ST6GALNAC3: variants seen among roughly 807,000 people sequenced by gnomAD.
The protein encoded by ST6GALNAC3 is alpha-N-acetylgalactosaminide alpha-2,6-sialyltransferase 3.
Under a neutral mutation model 32.7 loss-of-function variants are expected in ST6GALNAC3, and 25 were observed. That is an observed-to-expected ratio of 0.76 (90% CI 0.56 to 1.07). ST6GALNAC3 has a LOEUF of 1.07. Ranked by LOEUF, ST6GALNAC3 falls within the 50% of genes least tolerant of loss-of-function variation. ST6GALNAC3 has a pLI of 0.00. For missense variants in ST6GALNAC3, 355 were observed against 382.4 expected, an observed-to-expected ratio of 0.93 and a Z score of 0.60; for synonymous variants, 129 against 133.1, an observed-to-expected ratio of 0.97 and a Z score of 0.21.
At chr1:76,161,930 C>T (rs1651835938) in intron 1 of ST6GALNAC3, among the ~76,000 whole-genome samples, 1 of 152,132 alleles carries the variant, frequency 6.6e-6, no homozygotes, top group African/African-American at 2.4e-5. Context: ...GGTCAAAAAC[C>T]CTTAACTGAA....
At chr1:76,163,498 T>A (rs1032698929) in intron 1 of ST6GALNAC3, among the ~76,000 whole-genome samples, 14 of 152,340 alleles carry the variant, frequency 9.2e-5, no homozygotes, top group Middle Eastern at 3.4e-3. Flanking sequence ...TCATTCTTTT[T>A]AAGCCTCAGT....
At chr1:76,366,912 C>G (rs1650417838) in intron 2 of ST6GALNAC3, among the ~76,000 whole-genome samples, 1 of 152,100 alleles carries the variant, frequency 6.6e-6, no homozygotes, top group African/African-American at 2.4e-5. Flanking sequence ...ACTAAGAAGT[C>G]TTTGTTGTAA....
chr1:76,475,989 G>A (rs138623400), intron 3 of ST6GALNAC3, among the ~76,000 whole-genome samples: 3,516 of 152,214 alleles, frequency 0.023, 63 homozygotes, highest in Non-Finnish European at 0.039. Flanking sequence ...TGAGAATGAC[G>A]ATTTCCAGCT....
At chr1:76,538,780 G>C (rs997337667) in intron 3 of ST6GALNAC3, among the ~76,000 whole-genome samples, 1 of 152,070 alleles carries the variant, frequency 6.6e-6, no homozygotes, top group Non-Finnish European at 1.5e-5. Flanking sequence ...ACTACAAAGA[G>C]AGTACAATAC....
chr1:76,475,285 G>C (rs1659280011), intron 3 of ST6GALNAC3, among the ~76,000 whole-genome samples: 1 of 152,148 alleles, frequency 6.6e-6, no homozygotes, highest in South Asian at 2.1e-4. Flanking sequence ...TTAGGTCCTT[G>C]TCCCATCACT....
rs1025716567 is a variant in ST6GALNAC3, at chr1:76,252,557, T to C, written c.19-61248T>C. 4.6e-5 allele frequency among the ~76,000 whole-genome samples: 7 copies of C among 152,138 alleles called. 1 individual carries two copies. Among genetic ancestry groups the C allele is most frequent in the Non-Finnish European group, 8.8e-5 (6 of 68,016 alleles). On this transcript the variant is annotated intron_variant, in intron 1 of 4. Coordinates refer to ENST00000328299, the MANE Select transcript of ST6GALNAC3 (RefSeq NM_152996.4). ...CCCTTGAGGATGGCCCCCCCTTTTT[T>C]TTTTAAATTTCTTGGGCTGGGGACC...
intron 3 of ST6GALNAC3, among the ~76,000 whole-genome samples, chr1:76,576,311 C>T (rs1464623045): frequency 6.6e-6 from 1 of 152,006 alleles, no homozygotes; most frequent in African/African-American, 2.4e-5. Flanking sequence ...TTTAATGGCA[C>T]CCGTAGACAC....
intron 3 of ST6GALNAC3, among the ~76,000 whole-genome samples, chr1:76,513,035 C>T (rs1661966608): frequency 6.6e-6 from 1 of 151,790 alleles, no homozygotes; most frequent in South Asian, 2.1e-4. Flanking sequence ...GATATTAACT[C>T]CTTGTCGAAT....
chr1:76,464,178 CT>C (rs1170804597), intron 3 of ST6GALNAC3, among the ~76,000 whole-genome samples: 2 of 152,068 alleles, frequency 1.3e-5, no homozygotes, highest in African/African-American at 4.8e-5. Context: ...GAACTTTTTC[CT>C]TTAGGTCCTT....
chr1:76,158,667 T>G lies in ST6GALNAC3; in HGVS notation c.18+83783T>G, dbSNP rs375555941. Among the ~76,000 whole-genome samples, 7 of 152,364 alleles carry G rather than the reference T, an allele frequency of 4.6e-5. No homozygotes were observed. In the East Asian group the frequency reaches 9.6e-4, roughly 21 times the overall value. ...AATTACTACAGGAGATCATAGTAGC[T>G]ACCTCACTGGTCATAAGGGTTAAAT... On this transcript the variant is annotated intron_variant, in intron 1 of 4. Coordinates refer to ENST00000328299, the MANE Select transcript of ST6GALNAC3 (RefSeq NM_152996.4).
At chr1:76,611,951 C>T (rs975039850) in intron 3 of ST6GALNAC3, among the ~76,000 whole-genome samples, 1 of 152,120 alleles carries the variant, frequency 6.6e-6, no homozygotes, top group Non-Finnish European at 1.5e-5. Context: ...TGTGTCTAAC[C>T]CAGCTGTACT....
chr1:76,580,615 C>G (rs1646878826), intron 3 of ST6GALNAC3, among the ~76,000 whole-genome samples: 1 of 152,146 alleles, frequency 6.6e-6, no homozygotes, highest in Admixed American at 6.6e-5. Flanking sequence ...TAGCAAATTG[C>G]TGTACTCTTT....
chr1:76,341,682 C>CTTTCTTTCCTTCCTTCT (rs1411767732), intron 2 of ST6GALNAC3, among the ~76,000 whole-genome samples: 3 of 36,050 alleles, frequency 8.3e-5, no homozygotes, highest in Non-Finnish European at 1.2e-4. Flanking sequence ...TCTTTCTTTC[C>CTTTCTTTCCTTCCTTCT]TTCTTTCTTT....
downstream of ST6GALNAC3, among the ~76,000 whole-genome samples, chr1:76,635,128 A>G (rs1313645742): frequency 6.6e-6 from 1 of 152,150 alleles, no homozygotes; most frequent in Non-Finnish European, 1.5e-5. Flanking sequence ...ACATATTAAC[A>G]AAGTTGGGTT....
intron 3 of ST6GALNAC3, among the ~76,000 whole-genome samples, chr1:76,574,203 A>T (rs551640858): frequency 6.6e-6 from 1 of 152,108 alleles, no homozygotes; most frequent in East Asian, 1.9e-4. Context: ...GTTTTGAGTG[A>T]TGATGTGTTA....
chr1:76,384,733 T>A (rs1245884696), intron 2 of ST6GALNAC3, among the ~76,000 whole-genome samples: 1 of 152,022 alleles, frequency 6.6e-6, no homozygotes, highest in Non-Finnish European at 1.5e-5. Flanking sequence ...AACAAAAAGA[T>A]AATGAGAACA....
intron 1 of ST6GALNAC3, among the ~76,000 whole-genome samples, chr1:76,133,891 T>C (rs1465821608): frequency 6.6e-6 from 1 of 152,150 alleles, no homozygotes; most frequent in East Asian, 1.9e-4. Context: ...GACAAGAAGA[T>C]GAGCCCCTCC....
chr1:76,538,482 C>G (rs315072), intron 3 of ST6GALNAC3, among the ~76,000 whole-genome samples: 15 of 152,096 alleles, frequency 9.9e-5, no homozygotes, highest in African/African-American at 2.9e-4. Flanking sequence ...CCCTCTCTCA[C>G]CACTCCTATT....
intron 3 of ST6GALNAC3, among the ~76,000 whole-genome samples, chr1:76,520,659 G>GT (rs918395107): frequency 1.1e-4 from 16 of 149,600 alleles, no homozygotes; most frequent in East Asian, 3.9e-4. Context: ...ACCTGGCTAA[G>GT]TTTTTTTTTT....
Sources: gnomAD v4.1 joint callset for allele counts (sites outside exome capture counted in the v4.1 genomes callset) on GRCh38, gnomAD v4.1.1 for gene constraint, MANE v1.5 for transcripts, NCBI Gene and HGNC (gene_info 2026-07-23, HGNC 2026-07-21) for gene names.